The following MAPK1IP1L variants were observed in gnomAD, a reference collection of about 807,000 sequenced individuals.
The protein encoded by MAPK1IP1L is MAPK-interacting and spindle-stabilizing protein-like.
MAPK1IP1L carries 10 observed loss-of-function variants against 18.1 expected under a neutral mutation model. The ratio of observed to expected loss-of-function variants is 0.55; its 90% CI spans 0.34 to 0.94. The LOEUF (loss-of-function observed/expected upper bound fraction) is 0.94, where lower values mean the gene tolerates loss of function less well. Among genes scored for constraint, MAPK1IP1L ranks in the 40% least tolerant of loss-of-function variants. The pLI is 0.02. For missense variants in MAPK1IP1L, 260 were observed against 318.2 expected, an observed-to-expected ratio of 0.82 and a Z score of 1.39; for synonymous variants, 115 against 117.3, an observed-to-expected ratio of 0.98 and a Z score of 0.13.
intron 2 of MAPK1IP1L, 133 bp downstream of exon 2, chr14:55,061,834 C>A: frequency 3.0e-6 from 2 of 670,546 alleles, no homozygotes; most frequent in Non-Finnish European, 4.7e-6. Context: ...ACCTGTAGTC[C>A]TAGCTACTTG....
chr14:55,063,107 T>A lies in MAPK1IP1L; in HGVS notation c.508T>A (p.Ser170Thr). The A allele has an allele frequency of 6.2e-7, 1 of 1,613,208 alleles. No homozygotes were observed. The highest frequency in any genetic ancestry group is 8.5e-7 in the Non-Finnish European group (1 of 1,179,960). Residue 170 changes from serine to threonine, a missense_variant, in exon 3 of 4, where the codon TCT becomes ACT. Transcript: ENST00000395468. ...TCCTACCCCTAATATGCCATATCCA[T>A]CTCCAGGCCCATATCCCGCTCCTCC... ...QYPTPNMPYP[S>T]PGPYPAPPPP...
chr14:55,057,299 AT>A (rs1391317898), intron 1 of MAPK1IP1L, among the ~76,000 whole-genome samples: 2 of 152,228 alleles, frequency 1.3e-5, no homozygotes, highest in Non-Finnish European at 2.9e-5. Context: ...TTATCTGGAA[AT>A]ACCAGAGAAT....
Position 55,067,266 on chromosome 14 carries a change from T to C in MAPK1IP1L, c.*2639T>C, listed in dbSNP as rs937864621. On this transcript the variant is annotated 3_prime_UTR_variant, in exon 4 of 4. Transcript: ENST00000395468. ...AAAGGGATAATATAATTTGCTTTTA[T>C]ATTGTTATTTTTGTAAAGCATCTTT... The C allele has an allele frequency of 6.7e-6, 1 of 149,298 alleles. No homozygotes were observed. Among genetic ancestry groups the C allele is most frequent in the Admixed American group, 6.7e-5 (1 of 15,010 alleles). 9.2% of individuals were successfully genotyped at this position (149,298 alleles called of 1,614,324 possible). A position where few individuals can be genotyped will look rare whatever the true frequency, so the allele number is the denominator to read the frequency against.
At chr14:55,064,001 CTCTTT>C (rs1298789821) in intron 3 of MAPK1IP1L, 3 of 105,114 alleles carry the variant, frequency 2.9e-5, no homozygotes, top group African/African-American at 3.8e-5. Flanking sequence ...AATCTGTTAA[CTCTTT>C]TTTTTTTTTT....
In MAPK1IP1L at chr14:55,062,875, A is replaced by G; in HGVS notation, c.276A>G (p.Gly92=). The G allele has an allele frequency of 6.2e-7, 1 of 1,613,782 alleles. No individual in the cohort carries two copies. The highest frequency in any genetic ancestry group is 8.5e-7 in the Non-Finnish European group (1 of 1,179,916). ...CCCCAGCACCCTTTCCTCCTTCCGG[A>G]CCATCATGTCCCCCACCTGGTGGTC... is the stretch of plus-strand genomic sequence containing the variant. ...PGPPAPFPPS[G]PSCPPPGGPY... The change falls in exon 3 of 4, where the codon GGA becomes GGG. Residue 92 remains glycine, a synonymous_variant. Transcript: ENST00000395468.
chr14:55,064,611 T>A lies in MAPK1IP1L; in HGVS notation c.727-5T>A. 6.2e-7 allele frequency: 1 copy of A among 1,613,194 alleles called. No homozygotes were observed. The highest frequency in any genetic ancestry group is 8.5e-7 in the Non-Finnish European group (1 of 1,179,624). Reference sequence around the variant, plus strand: ...GAAGTTGACTTTTTCTTTTTTCTATTGCAGTCTTACCATTAAGTTAACAAT... The same window carrying A: ...GAAGTTGACTTTTTCTTTTTTCTATAGCAGTCTTACCATTAAGTTAACAAT... On this transcript the variant is annotated splice_polypyrimidine_tract_variant and splice_region_variant and intron_variant, in intron 3 of 3. Transcript: ENST00000395468.
In MAPK1IP1L at chr14:55,052,705, G is replaced by A. The variant is rs112665048; in HGVS notation, c.-5+902G>A. Among the ~76,000 whole-genome samples the A allele has an allele frequency of 1.1e-4, 16 of 152,276 alleles. 1 individual carries two copies. The highest frequency in any genetic ancestry group is 3.4e-4 in the African/African-American group (14 of 41,532). On this transcript the variant is annotated intron_variant, in intron 1 of 3. Coordinates refer to ENST00000395468, the MANE Select transcript of MAPK1IP1L (RefSeq NM_144578.4). ...GGTAGCCTTCAGAAACATTTCATAAGTTCTTTGTTCACTGGTGTTCTTTGG... is the reference window on the plus strand; with the variant it reads ...GGTAGCCTTCAGAAACATTTCATAAATTCTTTGTTCACTGGTGTTCTTTGG...
chr14:55,055,157 G>T (rs1241704294), intron 1 of MAPK1IP1L, among the ~76,000 whole-genome samples: 1 of 152,052 alleles, frequency 6.6e-6, no homozygotes, highest in Non-Finnish European at 1.5e-5. Context: ...TTGAGACAGA[G>T]TGCCACTAAT....
chr14:55,054,214 T>C, intron 1 of MAPK1IP1L, among the ~76,000 whole-genome samples: 1 of 141,048 alleles, frequency 7.1e-6, no homozygotes, highest in Non-Finnish European at 1.5e-5. Flanking sequence ...AGTCGCTTAC[T>C]GTAAGCTCCG....
chr14:55,057,080 G>A (rs1215538573), intron 1 of MAPK1IP1L, among the ~76,000 whole-genome samples: 1 of 152,044 alleles, frequency 6.6e-6, no homozygotes, highest in Non-Finnish European at 1.5e-5. Context: ...TAATAGCATA[G>A]GCATAAATTA....
rs2042885276 is a variant in MAPK1IP1L, at chr14:55,068,915, C to T, written c.*4288C>T. The T allele has an allele frequency of 6.6e-6, 1 of 152,130 alleles. No individual in the cohort carries two copies. The highest frequency in any genetic ancestry group is 1.5e-5 in the Non-Finnish European group (1 of 68,018). 9.4% of individuals were successfully genotyped at this position (152,130 alleles called of 1,614,324 possible). On this transcript the variant is annotated 3_prime_UTR_variant, in exon 4 of 4. Transcript: ENST00000395468. ...ACATTACAGAATTTGTTAGCATACC[C>T]ATTCATTATTAGTTTTACCTAAACG...
intron 1 of MAPK1IP1L, 24 bp from the exon 2 acceptor site, chr14:55,061,652 TCTTC>T (rs761634422): frequency 4.6e-6 from 7 of 1,516,286 alleles, no homozygotes; most frequent in East Asian, 2.3e-5. Flanking sequence ...AATTTTTCTT[TCTTC>T]CTTCATTTCT....
At chr14:55,057,454 T>C (rs1478507234) in intron 1 of MAPK1IP1L, among the ~76,000 whole-genome samples, 1 of 152,130 alleles carries the variant, frequency 6.6e-6, no homozygotes, top group Non-Finnish European at 1.5e-5. Context: ...CCCAAAACAC[T>C]TCTAGTATTA....
At chr14:55,053,239 T>C (rs2042744565) in intron 1 of MAPK1IP1L, among the ~76,000 whole-genome samples, 1 of 152,238 alleles carries the variant, frequency 6.6e-6, no homozygotes, top group African/African-American at 2.4e-5. Context: ...AAATCTATGA[T>C]GTGGGTACGA....
Position 55,061,665 on chromosome 14 carries a change from C to G in MAPK1IP1L, c.-4-15C>G, listed in dbSNP as rs759135093. On this transcript the variant is annotated splice_polypyrimidine_tract_variant and intron_variant, in intron 1 of 3. Transcript: ENST00000395468. Reference sequence around the variant, plus strand: ...GAAATTTTTCTTTCTTCCTTCATTTCTTTTCTTTTTTTAGGAAAATGTCTG... The same window carrying G: ...GAAATTTTTCTTTCTTCCTTCATTTGTTTTCTTTTTTTAGGAAAATGTCTG... 6.5e-7 allele frequency: 1 copy of G among 1,544,308 alleles called. No individual in the cohort carries two copies. The highest frequency in any genetic ancestry group is 8.8e-7 in the Non-Finnish European group (1 of 1,136,000).
intron 1 of MAPK1IP1L, 30 bp downstream of exon 1, chr14:55,051,833 G>T (rs781068017): frequency 2.2e-6 from 1 of 460,338 alleles, no homozygotes; most frequent in Non-Finnish European, 4.4e-6. Context: ...AGTGGGAGTC[G>T]TGAAGGGGAA....
In MAPK1IP1L at chr14:55,062,889, C is replaced by G; in HGVS notation, c.290C>G (p.Pro97Arg). 5.6e-6 allele frequency: 9 copies of G among 1,614,152 alleles called. No individual in the cohort carries two copies. Among genetic ancestry groups the G allele is most frequent in the Middle Eastern group, 1.6e-4 (1 of 6,062 alleles). ...PFPPSGPSCPPPGGPYPAPTV... is the reference protein window; with the variant it reads ...PFPPSGPSCPRPGGPYPAPTV... ...CCTCCTTCCGGACCATCATGTCCCCCACCTGGTGGTCCTTATCCAGCCCCA... is the reference window on the plus strand; with the variant it reads ...CCTCCTTCCGGACCATCATGTCCCCGACCTGGTGGTCCTTATCCAGCCCCA... Residue 97 changes from proline to arginine, a missense_variant, in exon 3 of 4, where the codon CCA (proline) becomes CGA (arginine). By Grantham distance (103) the Pro-to-Arg change is moderately radical. Coordinates refer to ENST00000395468, the MANE Select transcript of MAPK1IP1L (RefSeq NM_144578.4).
Position 55,070,036 on chromosome 14 carries a change from T to G in MAPK1IP1L, c.*5409T>G, listed in dbSNP as rs929211717. On this transcript the variant is annotated 3_prime_UTR_variant, in exon 4 of 4. Coordinates refer to ENST00000395468, the MANE Select transcript of MAPK1IP1L (RefSeq NM_144578.4). ...ATGAATGAATACTTTGCAGTGCTAC[T>G]TTTGGAAGGAATTTCTGCTTTTTGC... is the stretch of plus-strand genomic sequence containing the variant. The G allele has an allele frequency of 1.3e-5, 2 of 152,238 alleles. No homozygotes were observed. The highest frequency in any genetic ancestry group is 1.3e-4 in the Admixed American group (2 of 15,282). 9.4% of individuals were successfully genotyped at this position (152,238 alleles called of 1,614,324 possible).
intron 3 of MAPK1IP1L, 126 bp downstream of exon 3, chr14:55,063,451 T>TA: frequency 1.3e-6 from 1 of 757,724 alleles, no homozygotes. Flanking sequence ...GTGTGTATAT[T>TA]AAATAAGTAA....
Sources: gnomAD v4.1 joint callset for allele counts (sites outside exome capture counted in the v4.1 genomes callset) on GRCh38, gnomAD v4.1.1 for gene constraint, MANE v1.5 for transcripts, NCBI Gene and HGNC (gene_info 2026-07-23, HGNC 2026-07-21) for gene names.